The following SLC9A9 variants were observed in gnomAD, a reference collection of about 807,000 sequenced individuals.
The protein encoded by SLC9A9 is solute carrier family 9 member A9, also known as sodium/hydrogen exchanger 9.
SLC9A9 carries 62 observed loss-of-function variants against 77.8 expected under a neutral mutation model. That is an observed-to-expected ratio of 0.80 (90% CI 0.65 to 0.98). SLC9A9 has a LOEUF of 0.98. Ranked by LOEUF, SLC9A9 falls within the 50% of genes least tolerant of loss-of-function variation. The probability of loss-of-function intolerance (pLI) is 0.00; values close to 1 mark genes in which losing one functional copy is unlikely to be tolerated. For missense variants in SLC9A9, 775 were observed against 774.9 expected (o/e 1.00, Z 0.00); for synonymous variants, 320 against 283.5 (o/e 1.13, Z -1.29).
At chr3:143,573,672 G>T (rs956931083) in intron 8 of SLC9A9, among the ~76,000 whole-genome samples, 1 of 151,564 alleles carries the variant, frequency 6.6e-6, no homozygotes. Flanking sequence ...GTATGGAGAT[G>T]TACCTACCCT....
At chr3:143,696,160 T>C (rs886735201) in intron 4 of SLC9A9, among the ~76,000 whole-genome samples, 4 of 152,226 alleles carry the variant, frequency 2.6e-5, no homozygotes, top group Non-Finnish European at 5.9e-5. Context: ...TTAGATCCCA[T>C]TTGTCAATTT....
At chr3:143,661,262 A>C (rs1295392147) in intron 5 of SLC9A9, among the ~76,000 whole-genome samples, 1 of 152,228 alleles carries the variant, frequency 6.6e-6, no homozygotes, top group African/African-American at 2.4e-5. Context: ...ATTTTCTAAA[A>C]TTTCTACAAT....
intron 4 of SLC9A9, among the ~76,000 whole-genome samples, chr3:143,725,780 A>C (rs180906808): frequency 0.082 from 12,173 of 149,060 alleles, 549 homozygotes; most frequent in Middle Eastern, 0.12. Context: ...AGATATACCT[A>C]ATGCTAAATG....
At chr3:143,327,700 A>C (rs1258173220) in intron 14 of SLC9A9, among the ~76,000 whole-genome samples, 1 of 152,182 alleles carries the variant, frequency 6.6e-6, no homozygotes, top group Non-Finnish European at 1.5e-5. Context: ...CTTATTCTAC[A>C]TGCTTGGGGG....
chr3:143,390,655 C>T (rs554436045), intron 12 of SLC9A9, among the ~76,000 whole-genome samples: 5 of 152,298 alleles, frequency 3.3e-5, no homozygotes, highest in African/African-American at 7.2e-5. Flanking sequence ...GGCGAGGCGT[C>T]GCCTCACCCG....
At chr3:143,517,555 T>C in intron 9 of SLC9A9, 1 of 1,597,652 alleles carries the variant, frequency 6.3e-7, no homozygotes, top group South Asian at 1.1e-5. Flanking sequence ...GTGCCCTAGG[T>C]TGAACTTCTT....
intron 14 of SLC9A9, among the ~76,000 whole-genome samples, chr3:143,287,070 C>T (rs564525647): frequency 1.3e-5 from 2 of 151,846 alleles, no homozygotes; most frequent in South Asian, 2.1e-4. Context: ...TTATCTGAGA[C>T]ACTTTCCCTC....
chr3:143,657,268 T>G (rs928871033), intron 5 of SLC9A9, among the ~76,000 whole-genome samples: 1 of 152,206 alleles, frequency 6.6e-6, no homozygotes, highest in African/African-American at 2.4e-5. Flanking sequence ...CATTCTAAAT[T>G]TTAAGTTACA....
At chr3:143,361,029 G>A (rs1297745450) in intron 14 of SLC9A9, among the ~76,000 whole-genome samples, 2 of 152,232 alleles carry the variant, frequency 1.3e-5, no homozygotes, top group Non-Finnish European at 2.9e-5. Context: ...CCTAAGGACT[G>A]CAGTATTAGC....
At chr3:143,806,162 C>T (rs1238698914) in intron 2 of SLC9A9, among the ~76,000 whole-genome samples, 2 of 148,268 alleles carry the variant, frequency 1.3e-5, no homozygotes, top group Non-Finnish European at 3.0e-5. Flanking sequence ...CCATTAGACT[C>T]CTCATCAAAA....
chr3:143,384,313 T>C (rs1177232481), intron 12 of SLC9A9, among the ~76,000 whole-genome samples: 1 of 152,060 alleles, frequency 6.6e-6, no homozygotes, highest in Non-Finnish European at 1.5e-5. Context: ...AGCTGTGTGG[T>C]GGATCAGAGC....
chr3:143,665,574 G>A (rs1234778827), intron 5 of SLC9A9, among the ~76,000 whole-genome samples: 1 of 151,970 alleles, frequency 6.6e-6, no homozygotes, highest in Non-Finnish European at 1.5e-5. Flanking sequence ...CAACAAAATT[G>A]ATAGATCACT....
chr3:143,502,724 A>G lies in SLC9A9; in HGVS notation c.1090-7276T>C, dbSNP rs1038609686. Among the ~76,000 whole-genome samples, 17 of 152,292 alleles carry G rather than the reference A, an allele frequency of 1.1e-4. No individual in the cohort carries two copies. In the Middle Eastern group the frequency reaches 0.01, roughly 91 times the overall value. ...CTGACTTTCATCTACTTGTCTATGA[A>G]AGGCACTGAAATTCGTTGAAACCGA... On this transcript the variant is annotated intron_variant, in intron 9 of 15. Transcript: ENST00000316549.
intron 12 of SLC9A9, among the ~76,000 whole-genome samples, chr3:143,427,847 C>T (rs1268798292): frequency 2.0e-5 from 3 of 152,154 alleles, no homozygotes; most frequent in African/African-American, 7.2e-5. Context: ...TTTCAGAAAC[C>T]ACAACTTGGT....
intron 4 of SLC9A9, among the ~76,000 whole-genome samples, chr3:143,779,322 A>C (rs1457689378): frequency 6.6e-6 from 1 of 152,184 alleles, no homozygotes; most frequent in East Asian, 1.9e-4. Context: ...ATTAACTAAT[A>C]GTATTTGAAA....
At chr3:143,384,761 G>C (rs772650669) in intron 12 of SLC9A9, among the ~76,000 whole-genome samples, 3 of 152,210 alleles carry the variant, frequency 2.0e-5, no homozygotes, top group Admixed American at 6.5e-5. Flanking sequence ...AACGCCACAA[G>C]TGGCTTGAGG....
intron 14 of SLC9A9, among the ~76,000 whole-genome samples, chr3:143,349,976 G>A (rs13087723): frequency 0.51 from 77,896 of 152,062 alleles, 21,402 homozygotes; most frequent in African/African-American, 0.71. Context: ...TGTTTACCTC[G>A]AAGAACTGGC....
chr3:143,832,238 A>G lies in SLC9A9; in HGVS notation c.176-17T>C. 6.2e-7 allele frequency: 1 copy of G among 1,600,236 alleles called. No individual in the cohort carries two copies. The highest frequency in any genetic ancestry group is 8.5e-7 in the Non-Finnish European group (1 of 1,172,112). On this transcript the variant is annotated splice_polypyrimidine_tract_variant and intron_variant, in intron 1 of 15. Coordinates refer to ENST00000316549, the MANE Select transcript of SLC9A9 (RefSeq NM_173653.4). ...TTATAAGGCCTAAAAAAAAAAGAAT[A>G]AATAATGGTACTGGAGGAAGGCAAT...
At chr3:143,379,157 C>A (rs1235688395) in intron 13 of SLC9A9, among the ~76,000 whole-genome samples, 1 of 152,032 alleles carries the variant, frequency 6.6e-6, no homozygotes, top group Non-Finnish European at 1.5e-5. Flanking sequence ...GTTAAGGCTG[C>A]CCATTACAAA....
Sources: gnomAD v4.1 joint callset for allele counts (sites outside exome capture counted in the v4.1 genomes callset) on GRCh38, gnomAD v4.1.1 for gene constraint, MANE v1.5 for transcripts, NCBI Gene and HGNC (gene_info 2026-07-23, HGNC 2026-07-21) for gene names.